Variants in EPHB2 observed in about 807,000 individuals in gnomAD.
EPHB2 encodes the protein ephrin type-B receptor 2.
A neutral mutation model predicts 96.4 loss-of-function variants in EPHB2; 18 were observed. The observed-to-expected ratio is 0.19, with a 90% confidence interval of 0.13 to 0.28. EPHB2 has a LOEUF of 0.28. Ranked by LOEUF, EPHB2 falls within the 10% of genes least tolerant of loss-of-function variation. The pLI is 1.00. For synonymous variants in EPHB2, 506 were observed against 534.1 expected, an observed-to-expected ratio of 0.95 and a Z score of 0.72; for missense variants, 989 against 1,355.4, an observed-to-expected ratio of 0.73 and a Z score of 4.25.
chr1:22,748,886 A>G (rs1644017072), intron 1 of EPHB2, among the ~76,000 whole-genome samples: 1 of 148,280 alleles, frequency 6.7e-6, no homozygotes. Context: ...AAAAACCAGA[A>G]TTACTTTTGC....
At chr1:22,911,182 T>TAAA (rs1322763874) in intron 14 of EPHB2, among the ~76,000 whole-genome samples, 3,705 of 84,584 alleles carry the variant, frequency 0.044, 164 homozygotes, top group African/African-American at 0.12. Flanking sequence ...AAATAAATAA[T>TAAA]TACCAAAGGA....
intron 3 of EPHB2, among the ~76,000 whole-genome samples, chr1:22,815,707 A>G (rs1216586304): frequency 6.6e-6 from 1 of 152,262 alleles, no homozygotes; most frequent in Non-Finnish European, 1.5e-5. Flanking sequence ...AAGACTGTTT[A>G]AAGATTCCAG....
Position 22,916,061 on chromosome 1 carries a change from G to A in EPHB2, c.*2491G>A, listed in dbSNP as rs1268056149. 1 of 152,316 alleles carries A rather than the reference G, an allele frequency of 6.6e-6. No homozygotes were observed. The highest frequency in any genetic ancestry group is 1.5e-5 in the Non-Finnish European group (1 of 68,102). The allele number at this position is 152,316 out of a possible 1,614,324, so 9.4% of individuals were successfully genotyped here. A position where few individuals can be genotyped will look rare whatever the true frequency, so the allele number is the denominator to read the frequency against. ...TGGGGACAGCAGGGCAAGCCACAGG[G>A]AAAGCATTGGCAGGTTTCCCACAAA... On this transcript the variant is annotated 3_prime_UTR_variant, in exon 16 of 16. Transcript: ENST00000374630. The surrounding 1 kb of genome is among the most constrained non-coding windows in gnomAD (Gnocchi z 4.2).
chr1:22,748,503 T>TC (rs1378834365), intron 1 of EPHB2, among the ~76,000 whole-genome samples: 1 of 151,696 alleles, frequency 6.6e-6, no homozygotes, highest in African/African-American at 2.4e-5. Flanking sequence ...TGCCTCAGCC[T>TC]CCTGAGTAGC....
intron 5 of EPHB2, among the ~76,000 whole-genome samples, chr1:22,879,855 C>G (rs115127668): frequency 0.016 from 2,363 of 152,336 alleles, 67 homozygotes; most frequent in African/African-American, 0.054. Flanking sequence ...GGCAAGGAGC[C>G]GAGCTGAGGG....
At chr1:22,774,003 G>A (rs532951379) in intron 1 of EPHB2, among the ~76,000 whole-genome samples, 1 of 152,310 alleles carries the variant, frequency 6.6e-6, no homozygotes, top group Non-Finnish European at 1.5e-5. Flanking sequence ...AGTGCTAAGC[G>A]CTTGGCCTAG....
intron 3 of EPHB2, among the ~76,000 whole-genome samples, chr1:22,792,386 G>C (rs1465890): frequency 0.024 from 3,665 of 152,248 alleles, 164 homozygotes; most frequent in African/African-American, 0.084. Context: ...GGAGAAGGAG[G>C]GGGGACAGAC....
chr1:22,747,630 C>T (rs1195915300), intron 1 of EPHB2, among the ~76,000 whole-genome samples: 1 of 152,240 alleles, frequency 6.6e-6, no homozygotes, highest in East Asian at 1.9e-4. Flanking sequence ...CATTGCCAGA[C>T]CCCCAGTCAT....
chr1:22,909,258 C>G, intron 13 of EPHB2, 87 bp downstream of exon 13: 1 of 1,601,258 alleles, frequency 6.2e-7, no homozygotes, highest in Non-Finnish European at 8.5e-7. Flanking sequence ...TGCCAGTCTC[C>G]CAGAGTGTGG....
chr1:22,785,801 C>T (rs1301854123), intron 3 of EPHB2, among the ~76,000 whole-genome samples: 4 of 152,372 alleles, frequency 2.6e-5, no homozygotes, highest in East Asian at 1.9e-4. Context: ...GCCAGGCCCA[C>T]GACTCCCCCT....
chr1:22,895,628 T>C (rs1223618351), intron 8 of EPHB2, 48 bp downstream of exon 8: 2 of 1,531,930 alleles, frequency 1.3e-6, no homozygotes, highest in East Asian at 2.2e-5. Flanking sequence ...CCCAGATGGC[T>C]TCTCTCTCTC....
At chr1:22,842,532 T>C (rs1274382596) in intron 3 of EPHB2, among the ~76,000 whole-genome samples, 1 of 151,716 alleles carries the variant, frequency 6.6e-6, no homozygotes, top group Admixed American at 6.6e-5. Flanking sequence ...CATTCCTCAC[T>C]CAGCAGACAG....
intron 5 of EPHB2, among the ~76,000 whole-genome samples, chr1:22,869,414 T>A (rs1011636035): frequency 3.3e-5 from 5 of 151,788 alleles, no homozygotes; most frequent in African/African-American, 1.2e-4. Flanking sequence ...CAAGATGGCA[T>A]GGATGAGGGC....
intron 3 of EPHB2, among the ~76,000 whole-genome samples, chr1:22,848,165 G>T (rs551722777): frequency 6.6e-6 from 1 of 152,314 alleles, no homozygotes; most frequent in South Asian, 2.1e-4. Context: ...TCAGTGTCCA[G>T]GAGGGCTTAG....
rs191579220 is a variant in EPHB2 at position 22,828,246 on chromosome 1, G to A, written c.812-34791G>A. ...CCAGGGGCTGAGCTCCTCAGGGACT[G>A]CAGTGTGGGGTTCATGAGTGGGTGC... On this transcript the variant is annotated intron_variant, in intron 3 of 15. Coordinates refer to ENST00000374630, the MANE Select transcript of EPHB2 (RefSeq NM_017449.5). Among the ~76,000 whole-genome samples the A allele has an allele frequency of 3.8e-3, 584 of 152,318 alleles. 5 individuals are homozygous for A. Among genetic ancestry groups the A allele is most frequent in the Non-Finnish European group, 6.5e-3 (440 of 68,026 alleles).
At chr1:22,853,672 A>G (rs928745102) in intron 3 of EPHB2, among the ~76,000 whole-genome samples, 2 of 152,382 alleles carry the variant, frequency 1.3e-5, no homozygotes, top group African/African-American at 2.4e-5. Flanking sequence ...AAAGGCCCAG[A>G]GGCGAGACCA....
chr1:22,801,284 C>T (rs549083907), intron 3 of EPHB2, among the ~76,000 whole-genome samples: 45 of 152,250 alleles, frequency 3.0e-4, no homozygotes, highest in South Asian at 2.3e-3. Context: ...TTGTGTCTGT[C>T]CTCGCCAGGC....
chr1:22,719,109 A>G (rs1298158902), intron 1 of EPHB2, among the ~76,000 whole-genome samples: 1 of 152,166 alleles, frequency 6.6e-6, no homozygotes, highest in East Asian at 1.9e-4. Context: ...TCGGGTGTTA[A>G]CTCATTATGT....
At chr1:22,863,420 T>C (rs1638348589) in intron 4 of EPHB2, among the ~76,000 whole-genome samples, 1 of 152,142 alleles carries the variant, frequency 6.6e-6, no homozygotes, top group South Asian at 2.1e-4. Flanking sequence ...CTGAGTCACA[T>C]GGAAGATAAA....
Sources: allele counts gnomAD v4.1 joint callset (sites outside exome capture counted in the v4.1 genomes callset), GRCh38; gene constraint gnomAD v4.1.1; non-coding constraint Gnocchi (gnomAD v3.1); transcripts MANE v1.5; gene names NCBI Gene and HGNC (gene_info 2026-07-23, HGNC 2026-07-21).